GPM6A: variants seen among roughly 807,000 people sequenced by gnomAD.
GPM6A encodes the protein glycoprotein M6A, also known as neuronal membrane glycoprotein M6-a.
Under a neutral mutation model 32.1 loss-of-function variants are expected in GPM6A, and 7 were observed. The ratio of observed to expected loss-of-function variants is 0.22; its 90% confidence interval spans 0.12 to 0.41. The LOEUF (loss-of-function observed/expected upper bound fraction) is 0.41, where lower values mean the gene tolerates loss of function less well. Ranked by LOEUF, GPM6A falls within the 10% of genes least tolerant of loss-of-function variation. The pLI, the probability that GPM6A is intolerant of heterozygous loss-of-function variation, is 1.00. For synonymous variants in GPM6A, 130 were observed against 123.4 expected, an observed-to-expected ratio of 1.05 and a Z score of -0.35; for missense variants, 235 against 347.2, an observed-to-expected ratio of 0.68 and a Z score of 2.57.
At chr4:175,938,404 G>A (rs576951883) in intron 1 of GPM6A, among the ~76,000 whole-genome samples, 6 of 152,064 alleles carry the variant, frequency 3.9e-5, no homozygotes, top group Non-Finnish European at 7.4e-5. Flanking sequence ...CCACAGCCGC[G>A]CCAGCATCTG....
chr4:175,718,964 T>TA (rs1446245000), intron 1 of GPM6A, among the ~76,000 whole-genome samples: 2 of 152,164 alleles, frequency 1.3e-5, no homozygotes, highest in African/African-American at 4.8e-5. Flanking sequence ...AAATTCTCTT[T>TA]AAAAAGAGAA....
At chr4:175,789,198 GAAT>G (rs1733914592) in intron 1 of GPM6A, among the ~76,000 whole-genome samples, 1 of 152,086 alleles carries the variant, frequency 6.6e-6, no homozygotes, top group African/African-American at 2.4e-5. Context: ...GTGCTATAAT[GAAT>G]AATGATTTTT....
intron 2 of GPM6A, among the ~76,000 whole-genome samples, chr4:175,680,681 T>C (rs1743632874): frequency 6.6e-6 from 1 of 152,198 alleles, no homozygotes; most frequent in Admixed American, 6.5e-5. Flanking sequence ...TCCAGAAAAG[T>C]GGCAAGACTT....
At chr4:175,887,686 C>T (rs1378834244) in intron 1 of GPM6A, among the ~76,000 whole-genome samples, 2 of 150,698 alleles carry the variant, frequency 1.3e-5, no homozygotes, top group East Asian at 1.9e-4. Context: ...GTATTAGACA[C>T]AATAAAAATA....
At chr4:175,641,564 T>C (rs1741145414) in intron 4 of GPM6A, 1 of 152,238 alleles carries the variant, frequency 6.6e-6, no homozygotes, top group Non-Finnish European at 1.5e-5. Flanking sequence ...TTAATTTTAT[T>C]TTCTGAACTC....
At chr4:175,929,728 A>G (rs1426869217) in intron 1 of GPM6A, among the ~76,000 whole-genome samples, 2 of 152,200 alleles carry the variant, frequency 1.3e-5, no homozygotes, top group African/African-American at 4.8e-5. Context: ...ATAGGTGTAA[A>G]TATAAACAAA....
At chr4:175,949,616 T>C (rs1206168318) in intron 1 of GPM6A, among the ~76,000 whole-genome samples, 1 of 152,226 alleles carries the variant, frequency 6.6e-6, no homozygotes, top group East Asian at 1.9e-4. Context: ...CCATAGCTAA[T>C]ACTCCTTGCA....
At chr4:175,792,711 T>A (rs1424762373) in intron 1 of GPM6A, among the ~76,000 whole-genome samples, 1 of 152,198 alleles carries the variant, frequency 6.6e-6, no homozygotes, top group East Asian at 1.9e-4. Flanking sequence ...AACTTATAAT[T>A]CTTTGACATC....
intron 4 of GPM6A, among the ~76,000 whole-genome samples, chr4:175,648,486 A>T (rs1741602737): frequency 1.3e-5 from 2 of 152,162 alleles, no homozygotes; most frequent in Non-Finnish European, 2.9e-5. Flanking sequence ...TTTGGGAAAA[A>T]AATTGACCTT....
At chr4:175,835,938 G>T (rs188258130) in intron 1 of GPM6A, among the ~76,000 whole-genome samples, 49 of 151,508 alleles carry the variant, frequency 3.2e-4, no homozygotes, top group Middle Eastern at 6.8e-3. Context: ...AACGTGGAAA[G>T]TTTTTTGTAG....
intron 1 of GPM6A, among the ~76,000 whole-genome samples, chr4:175,900,592 A>C (rs1560985854): frequency 6.6e-6 from 1 of 152,168 alleles, no homozygotes; most frequent in Non-Finnish European, 1.5e-5. Flanking sequence ...CCCCAGTTAA[A>C]ATGGCTTTTA....
At chr4:175,635,121 T>A in intron 6 of GPM6A, 64 bp from the exon 7 acceptor site, 1 of 1,254,648 alleles carries the variant, frequency 8.0e-7, no homozygotes, top group Non-Finnish European at 1.1e-6. Context: ...CACCTTGCTA[T>A]CTCGAAAGAA....
intron 1 of GPM6A, among the ~76,000 whole-genome samples, chr4:175,795,563 A>C (rs1277912897): frequency 6.6e-6 from 1 of 152,042 alleles, no homozygotes; most frequent in African/African-American, 2.4e-5. Context: ...CAGTCTGCAC[A>C]ACATACTGAG....
intron 1 of GPM6A, among the ~76,000 whole-genome samples, chr4:175,936,976 A>G (rs1010324868): frequency 6.6e-6 from 1 of 152,176 alleles, no homozygotes; most frequent in South Asian, 2.1e-4. Context: ...GAGAGATGGA[A>G]GATCACATCA....
At chr4:175,712,491 A>G (rs1244748093) in intron 1 of GPM6A, among the ~76,000 whole-genome samples, 1 of 152,216 alleles carries the variant, frequency 6.6e-6, no homozygotes, top group Admixed American at 6.5e-5. Context: ...AACTAAATTT[A>G]AAGCAAATGC....
intron 1 of GPM6A, among the ~76,000 whole-genome samples, chr4:175,704,352 C>T (rs1271180915): frequency 5.9e-5 from 9 of 151,400 alleles, no homozygotes; most frequent in South Asian, 4.2e-4. Flanking sequence ...CACGTGTGCA[C>T]GCCCCCCCAC....
At chr4:175,698,185 G>C (rs979186504) in intron 2 of GPM6A, among the ~76,000 whole-genome samples, 1 of 152,084 alleles carries the variant, frequency 6.6e-6, no homozygotes, top group African/African-American at 2.4e-5. Flanking sequence ...TTCAGGGCTT[G>C]GGCAACTGGA....
At chr4:175,953,175 CAAAT>C (rs72279947) in intron 1 of GPM6A, among the ~76,000 whole-genome samples, 25,587 of 151,660 alleles carry the variant, frequency 0.17, 2,329 homozygotes, top group Non-Finnish European at 0.21. Context: ...TTTTATAAAA[CAAAT>C]AAAGAAATCA....
intron 1 of GPM6A, among the ~76,000 whole-genome samples, chr4:175,774,389 A>C (rs1469938194): frequency 1.3e-5 from 2 of 152,082 alleles, no homozygotes; most frequent in Non-Finnish European, 2.9e-5. Flanking sequence ...TATAAAATCT[A>C]AATCCTTCAA....
Sources: allele counts gnomAD v4.1 joint callset (sites outside exome capture counted in the v4.1 genomes callset), GRCh38; gene constraint gnomAD v4.1.1; transcripts MANE v1.5; gene names NCBI Gene and HGNC (gene_info 2026-07-23, HGNC 2026-07-21).